CFHR5: variants seen among roughly 807,000 people sequenced by gnomAD.
The protein encoded by CFHR5 is complement factor H-related protein 5.
A neutral mutation model predicts 62.9 loss-of-function variants in CFHR5; 73 were observed. The ratio of observed to expected loss-of-function variants is 1.16; its 90% confidence interval spans 0.96 to 1.41. The LOEUF (loss-of-function observed/expected upper bound fraction) is 1.41. CFHR5 is among the 40% of genes most tolerant of loss of function. The pLI is 0.00. For missense variants in CFHR5, 779 were observed against 679.9 expected (o/e 1.15, Z -1.62); for synonymous variants, 249 against 227.2 (o/e 1.10, Z -0.86).
Position 196,982,964 on chromosome 1 carries a change from T to C in CFHR5, c.138T>C (p.Pro46=), listed in dbSNP as rs761513666. 1.9e-6 allele frequency: 3 copies of C among 1,614,010 alleles called. No individual in the cohort carries two copies. Among genetic ancestry groups the C allele is most frequent in the Non-Finnish European group, 2.5e-6 (3 of 1,180,022 alleles). The change falls in exon 2 of 10, where the codon CCT becomes CCC. Residue 46 remains proline (P), a synonymous_variant. Coordinates refer to ENST00000256785, the MANE Select transcript of CFHR5 (RefSeq NM_030787.4). ...EEDYNPFSQV[P]TGEVFYYSCE... is the part of the protein sequence containing the mutation. The stretch of plus-strand genomic sequence containing the variant: ...ATTATAACCCTTTTTCCCAAGTTCC[T>C]ACAGGGGAAGTTTTCTATTACTCCT...
intron 7 of CFHR5, 110 bp from the exon 8 acceptor site, chr1:197,002,372 A>G (rs1463414163): frequency 1.4e-6 from 1 of 726,584 alleles, no homozygotes; most frequent in Non-Finnish European, 2.4e-6. Flanking sequence ...TGATAGAGAG[A>G]CATAGTGTGT....
chr1:196,996,100 G>C lies in CFHR5; in HGVS notation c.869G>C (p.Gly290Ala), dbSNP rs1653984643. 2 of 1,613,512 alleles carry C rather than the reference G, an allele frequency of 1.2e-6. No individual in the cohort carries two copies. The highest frequency in any genetic ancestry group is 2.7e-5 in the African/African-American group (2 of 74,878). The change falls in exon 6 of 10, where the codon GGA (glycine) becomes GCA (alanine). Residue 290 changes from glycine (G) to alanine (A), a missense_variant. Transcript: ENST00000256785. ...CCGTCTGTCCCTCCCTATCAACATG[G>C]AGTTTCAGTCGAGGTGAATTGCAGA... ...VQPSVPPYQHGVSVEVNCRNE... is the reference protein window; with the variant it reads ...VQPSVPPYQHAVSVEVNCRNE...
intron 9 of CFHR5, 55 bp downstream of exon 9, chr1:197,004,898 T>C (rs1010579580): frequency 2.1e-5 from 30 of 1,395,400 alleles, no homozygotes; most frequent in Non-Finnish European, 4.1e-6. Context: ...AGTGTAATTT[T>C]TTTGGACTAA....
At chr1:197,003,781 T>C (rs557266586) in intron 8 of CFHR5, among the ~76,000 whole-genome samples, 10 of 152,198 alleles carry the variant, frequency 6.6e-5, no homozygotes, top group Non-Finnish European at 1.2e-4. Flanking sequence ...AGTTACCGGA[T>C]AGAAGATATG....
chr1:197,002,523 A>G lies in CFHR5; in HGVS notation c.1189A>G (p.Asn397Asp). ...CTGCCCACCGCCACCTCAGATACCTAATGCTCAGAATATGACAACCACAGT... is the reference window on the plus strand; with the variant it reads ...CTGCCCACCGCCACCTCAGATACCTGATGCTCAGAATATGACAACCACAGT... ...QFCPPPPQIP[N>D]AQNMTTTVNY... Residue 397 changes from asparagine (N) to aspartate (D), a missense_variant, in exon 8 of 10, where the codon AAT becomes GAT. Coordinates refer to ENST00000256785, the MANE Select transcript of CFHR5 (RefSeq NM_030787.4). 6.2e-7 allele frequency: 1 copy of G among 1,613,638 alleles called. No homozygotes were observed. The highest frequency in any genetic ancestry group is 8.5e-7 in the Non-Finnish European group (1 of 1,179,728).
Position 196,988,746 on chromosome 1 carries a change from T to A in CFHR5, c.430+4609T>A, listed in dbSNP as rs569329453. On this transcript the variant is annotated intron_variant, in intron 3 of 9. Transcript: ENST00000256785. ...ACTTGATTGTGGTGGATAAGCTTTT[T>A]GATGTGCTGCTGGATTTGGTTTGCC... 3.5e-4 allele frequency among the ~76,000 whole-genome samples: 53 copies of A among 152,308 alleles called. 1 individual carries two copies. The highest frequency in any genetic ancestry group is 1.2e-3 in the African/African-American group (51 of 41,566).
chr1:196,978,863 G>T (rs1230621437), intron 1 of CFHR5, among the ~76,000 whole-genome samples: 1 of 152,074 alleles, frequency 6.6e-6, no homozygotes, highest in Admixed American at 6.6e-5. Context: ...AAATTATGAG[G>T]ATAATATGTA....
chr1:197,007,082 G>T (rs541873198), intron 9 of CFHR5, among the ~76,000 whole-genome samples: 2 of 151,736 alleles, frequency 1.3e-5, no homozygotes, highest in African/African-American at 2.4e-5. Context: ...TGATCCACCC[G>T]CCTCGGCCTC....
At chr1:196,995,582 T>C (rs1158586201) in intron 4 of CFHR5, 135 bp from the exon 5 acceptor site, 6 of 727,902 alleles carry the variant, frequency 8.2e-6, no homozygotes, top group African/African-American at 1.8e-5. Context: ...CTATGTACAC[T>C]GCAAAAAACA....
intron 3 of CFHR5, among the ~76,000 whole-genome samples, chr1:196,986,961 T>C (rs1374869078): frequency 6.6e-6 from 1 of 152,214 alleles, no homozygotes; most frequent in African/African-American, 2.4e-5. Context: ...ACCACAATGG[T>C]TGAACTAGTT....
intron 3 of CFHR5, among the ~76,000 whole-genome samples, chr1:196,984,772 C>G (rs1412213352): frequency 6.6e-6 from 1 of 152,150 alleles, no homozygotes; most frequent in Non-Finnish European, 1.5e-5. Flanking sequence ...ACCAAACACT[C>G]AAGGAAACTT....
At chr1:196,975,188 T>C (rs1653367973), upstream of CFHR5, among the ~76,000 whole-genome samples, 2 of 152,290 alleles carry the variant, frequency 1.3e-5, no homozygotes, top group Middle Eastern at 3.4e-3. Flanking sequence ...TTTGATTAGA[T>C]TGAAGAAGGC....
At chr1:196,975,248 A>G (rs562826178), upstream of CFHR5, among the ~76,000 whole-genome samples, 27 of 152,300 alleles carry the variant, frequency 1.8e-4, no homozygotes, top group Non-Finnish European at 1.5e-4. Flanking sequence ...GGAATGAAAA[A>G]ATGAATTAAA....
chr1:196,996,268 A>G lies in CFHR5; in HGVS notation c.970+67A>G, dbSNP rs1190130833. Reference sequence around the variant, plus strand: ...TTTTGATTGGGATTGTATAAAGTGTATAAATCTGGCTAGAATTACAATTTT... The same window carrying G: ...TTTTGATTGGGATTGTATAAAGTGTGTAAATCTGGCTAGAATTACAATTTT... On this transcript the variant is annotated intron_variant, in intron 6 of 9. Coordinates refer to ENST00000256785, the MANE Select transcript of CFHR5 (RefSeq NM_030787.4). The G allele has an allele frequency of 2.1e-5, 27 of 1,289,414 alleles. 1 individual carries two copies. The highest frequency in any genetic ancestry group is 2.7e-5 in the Non-Finnish European group (24 of 890,070). The allele number at this position is 1,289,414 out of a possible 1,614,324, so 79.9% of individuals were successfully genotyped here.
At chr1:196,993,782 T>C (rs1458517798) in intron 3 of CFHR5, among the ~76,000 whole-genome samples, 1 of 152,182 alleles carries the variant, frequency 6.6e-6, no homozygotes, top group Non-Finnish European at 1.5e-5. Context: ...GAACTAATAT[T>C]GCTAATTAAA....
intron 3 of CFHR5, among the ~76,000 whole-genome samples, chr1:196,987,854 C>T (rs1402093986): frequency 5.9e-5 from 9 of 151,954 alleles, no homozygotes; most frequent in Non-Finnish European, 1.5e-5. Context: ...CAATGCAGCC[C>T]CTTTTTTGAT....
chr1:196,998,119 T>G lies in CFHR5; in HGVS notation c.971-9T>G. 6.7e-7 allele frequency: 1 copy of G among 1,483,598 alleles called. No homozygotes were observed. The highest frequency in any genetic ancestry group is 9.2e-7 in the Non-Finnish European group (1 of 1,089,612). The allele number at this position is 1,483,598 out of a possible 1,614,324, so 91.9% of individuals were successfully genotyped here. A position where few individuals can be genotyped will look rare whatever the true frequency, so the allele number is the denominator to read the frequency against. On this transcript the variant is annotated splice_polypyrimidine_tract_variant and intron_variant, in intron 6 of 9. Transcript: ENST00000256785. ...TTGTTTAGTTTCTATTTAATATTATTTTTTATAGCAACACACCAACTTAAG... is the reference window on the plus strand; with the variant it reads ...TTGTTTAGTTTCTATTTAATATTATGTTTTATAGCAACACACCAACTTAAG...
At chr1:196,988,380 G>T (rs1653752027) in intron 3 of CFHR5, among the ~76,000 whole-genome samples, 1 of 152,008 alleles carries the variant, frequency 6.6e-6, no homozygotes. Context: ...CTGCCTGATT[G>T]CCCTGGCCAG....
chr1:196,979,061 T>C (rs1332352833), intron 1 of CFHR5, among the ~76,000 whole-genome samples: 7 of 152,164 alleles, frequency 4.6e-5, no homozygotes, highest in Admixed American at 3.9e-4. Flanking sequence ...GCAACACTTT[T>C]GTACAAATAG....
Sources: gnomAD v4.1 joint callset for allele counts (sites outside exome capture counted in the v4.1 genomes callset) on GRCh38, gnomAD v4.1.1 for gene constraint, MANE v1.5 for transcripts, NCBI Gene and HGNC (gene_info 2026-07-23, HGNC 2026-07-21) for gene names.